Variants in REPS1 observed in about 807,000 individuals in gnomAD.
REPS1 encodes the protein RALBP1 associated Eps domain containing 1, also known as ralBP1-associated Eps domain-containing protein 1.
A neutral mutation model predicts 100.9 loss-of-function variants in REPS1; 39 were observed. The ratio of observed to expected loss-of-function variants is 0.39; its 90% CI spans 0.30 to 0.50. The LOEUF (loss-of-function observed/expected upper bound fraction) is 0.50, where lower values mean the gene tolerates loss of function less well. Ranked by LOEUF, REPS1 falls within the 20% of genes least tolerant of loss-of-function variation. The pLI is 0.86. For missense variants in REPS1, 821 were observed against 968.5 expected (o/e 0.85, Z 2.02); for synonymous variants, 324 against 340.3 (o/e 0.95, Z 0.53).
At chr6:138,919,639 T>G (rs534825028) in intron 12 of REPS1, among the ~76,000 whole-genome samples, 1 of 152,360 alleles carries the variant, frequency 6.6e-6, no homozygotes, top group East Asian at 1.9e-4. Context: ...TTAATTTTCC[T>G]TCTGGATTTG....
At chr6:138,937,657 T>A (rs1030595985) in intron 8 of REPS1, among the ~76,000 whole-genome samples, 8 of 152,172 alleles carry the variant, frequency 5.3e-5, no homozygotes, top group Admixed American at 3.9e-4. Context: ...GAAGCACACA[T>A]CCCTTTCCTT....
chr6:138,976,830 G>T (rs1373708074), intron 1 of REPS1, among the ~76,000 whole-genome samples: 2 of 152,190 alleles, frequency 1.3e-5, no homozygotes, highest in Non-Finnish European at 2.9e-5. Flanking sequence ...GTAATGTAAT[G>T]TAAATATACT....
intron 19 of REPS1, among the ~76,000 whole-genome samples, chr6:138,906,399 A>G (rs766549945): frequency 3.3e-5 from 5 of 152,234 alleles, no homozygotes; most frequent in Non-Finnish European, 7.3e-5. Flanking sequence ...AAGTTTATCT[A>G]GGACAATCCC....
chr6:138,957,372 A>G (rs1783454233), intron 1 of REPS1, among the ~76,000 whole-genome samples: 1 of 152,232 alleles, frequency 6.6e-6, no homozygotes, highest in Non-Finnish European at 1.5e-5. Context: ...GAATATCAGA[A>G]AACAATAAAG....
intron 7 of REPS1, among the ~76,000 whole-genome samples, chr6:138,941,710 T>C (rs1188806877): frequency 6.6e-6 from 1 of 152,164 alleles, no homozygotes; most frequent in Non-Finnish European, 1.5e-5. Context: ...TTCTTTAAGC[T>C]TTCCTGTGTG....
At chr6:138,987,492 G>A in intron 1 of REPS1, 38 bp downstream of exon 1, 3 of 1,530,208 alleles carry the variant, frequency 2.0e-6, no homozygotes, top group Admixed American at 4.0e-5. Context: ...AGTGACTGCA[G>A]GCCTAAGCCG....
intron 1 of REPS1, among the ~76,000 whole-genome samples, chr6:138,955,456 A>AGTGTG (rs1562552291): frequency 8.5e-5 from 4 of 46,856 alleles, no homozygotes; most frequent in African/African-American, 5.6e-4. Context: ...AAAAAAAAAA[A>AGTGTG]AGTGTGTGTG....
At chr6:138,941,113 A>G (rs1468150740) in intron 8 of REPS1, among the ~76,000 whole-genome samples, 4 of 152,246 alleles carry the variant, frequency 2.6e-5, no homozygotes, top group Non-Finnish European at 4.4e-5. Flanking sequence ...ATACAAAGGT[A>G]AAATAGTGGT....
intron 1 of REPS1, among the ~76,000 whole-genome samples, chr6:138,953,788 C>G (rs571262814): frequency 6.6e-6 from 1 of 151,958 alleles, no homozygotes; most frequent in African/African-American, 2.4e-5. Context: ...AGTATGAGGT[C>G]CCTCAAAAAG....
intron 1 of REPS1, among the ~76,000 whole-genome samples, chr6:138,961,403 AT>A (rs1235215983): frequency 1.3e-5 from 2 of 151,902 alleles, no homozygotes; most frequent in Non-Finnish European, 2.9e-5. Flanking sequence ...CGCCTGGCTA[AT>A]TTTTTTGTAT....
At chr6:138,979,444 G>A (rs1478930487) in intron 1 of REPS1, among the ~76,000 whole-genome samples, 1 of 151,936 alleles carries the variant, frequency 6.6e-6, no homozygotes. Context: ...TTCTTTAAAA[G>A]CTATCTATAC....
rs370199447 is a variant in REPS1 at position 138,945,505 on chromosome 6, G to C, written c.470C>G (p.Ala157Gly). ...DTVQPRTSADAQEPASPVVSP... is the reference protein window; with the variant it reads ...DTVQPRTSADGQEPASPVVSP... The stretch of plus-strand genomic sequence containing the variant: ...TATTTACATGCATGTGATTACCTGT[G>C]CATCTGCAGATGTACGAGGCTGAAC... Residue 157 changes from alanine (A) to glycine (G), a missense_variant, in exon 3 of 20, where the codon GCA becomes GGA. Physicochemically the swap from Ala to Gly is moderately conservative, Grantham distance 60. Transcript: ENST00000450536. 11 of 1,600,464 alleles carry C rather than the reference G, an allele frequency of 6.9e-6. No individual in the cohort carries two copies. Among genetic ancestry groups the C allele is most frequent in the African/African-American group, 1.3e-5 (1 of 74,326 alleles).
chr6:138,949,861 G>C (rs1234578098), intron 1 of REPS1, among the ~76,000 whole-genome samples: 1 of 152,162 alleles, frequency 6.6e-6, no homozygotes, highest in East Asian at 1.9e-4. Flanking sequence ...AGTGTGTGTA[G>C]AATTGATGGG....
At chr6:138,951,354 T>C (rs1206328249) in intron 1 of REPS1, among the ~76,000 whole-genome samples, 4 of 152,106 alleles carry the variant, frequency 2.6e-5, no homozygotes, top group African/African-American at 9.7e-5. Flanking sequence ...TTCTCTTTGG[T>C]CCATTAATAA....
chr6:138,957,281 G>A (rs545452771), intron 1 of REPS1, among the ~76,000 whole-genome samples: 10 of 152,224 alleles, frequency 6.6e-5, no homozygotes, highest in African/African-American at 2.4e-4. Context: ...TAGAGATGGG[G>A]GAGAACATTA....
intron 10 of REPS1, among the ~76,000 whole-genome samples, chr6:138,923,329 A>G (rs1401987696): frequency 1.3e-5 from 2 of 152,226 alleles, no homozygotes; most frequent in Non-Finnish European, 2.9e-5. Flanking sequence ...GAAAAAAATG[A>G]TAGTTCATGA....
chr6:138,907,140 A>G (rs140700477), intron 19 of REPS1, among the ~76,000 whole-genome samples: 13 of 152,246 alleles, frequency 8.5e-5, no homozygotes, highest in African/African-American at 2.6e-4. Context: ...GACCTGTTTA[A>G]GTCCCTTTAA....
Position 138,921,113 on chromosome 6 carries a change from A to G in REPS1, c.1350T>C (p.Ile450=). The G allele has an allele frequency of 4.4e-6, 7 of 1,604,870 alleles. No individual in the cohort carries two copies. The highest frequency in any genetic ancestry group is 6.0e-6 in the Non-Finnish European group (7 of 1,172,456). The part of the protein sequence containing the change: ...NIAPADPDTA[I]VHPVPIRMTP... ...TCATACGAATGGGAACTGGATGAAC[A>G]ATAGCAGTATCCTAGAGACAAATGG... Residue 450 remains isoleucine (I), a synonymous_variant, in exon 11 of 20, where the codon ATT becomes ATC. Transcript: ENST00000450536.
At chr6:138,940,597 T>C (rs1383685736) in intron 8 of REPS1, among the ~76,000 whole-genome samples, 2 of 151,710 alleles carry the variant, frequency 1.3e-5, no homozygotes, top group African/African-American at 4.8e-5. Context: ...ATACAAAAAT[T>C]AGCGGGGCAT....
Sources: allele counts gnomAD v4.1 joint callset (sites outside exome capture counted in the v4.1 genomes callset), GRCh38; gene constraint gnomAD v4.1.1; transcripts MANE v1.5; gene names NCBI Gene and HGNC (gene_info 2026-07-23, HGNC 2026-07-21).